MACROD2: variants seen among roughly 807,000 people sequenced by gnomAD.
The protein encoded by MACROD2 is mono-ADP ribosylhydrolase 2.
In MACROD2, 36 loss-of-function variants were observed where a neutral mutation model predicts 70.4. The observed-to-expected ratio is 0.51, with a 90% CI of 0.39 to 0.68. The LOEUF is 0.68. Ranked by LOEUF, MACROD2 falls within the 30% of genes least tolerant of loss-of-function variation. MACROD2 has a pLI of 0.00. For synonymous variants in MACROD2, 172 were observed against 178.8 expected (o/e 0.96, Z 0.30); for missense variants, 496 against 538.4 (o/e 0.92, Z 0.78).
chr20:14,215,329 A>G (rs1230675790), intron 3 of MACROD2, among the ~76,000 whole-genome samples: 2 of 105,124 alleles, frequency 1.9e-5, no homozygotes, highest in Non-Finnish European at 3.9e-5. Flanking sequence ...TATCTATGCC[A>G]TCATATATAC....
At position 15,037,469 on chromosome 20, in the gene MACROD2, G is replaced by A. The variant is rs180729019; in HGVS notation, c.419-192471G>A. On this transcript the variant is annotated intron_variant, in intron 5 of 17. Transcript: ENST00000684519. ...CCCAGAGCAGGTACTGCTGTTTATG[G>A]CCTCGCCTGAATGTTTGTGGTACAA... 3.3e-5 allele frequency among the ~76,000 whole-genome samples: 5 copies of A among 152,288 alleles called. No individual in the cohort carries two copies. The East Asian group carries it at 9.6e-4, about 29-fold the overall frequency.
At chr20:15,610,390 C>G (rs1339024793) in intron 8 of MACROD2, among the ~76,000 whole-genome samples, 1 of 152,178 alleles carries the variant, frequency 6.6e-6, no homozygotes, top group African/African-American at 2.4e-5. Context: ...TTCCTTGCTT[C>G]TCTTCTAGCT....
At chr20:15,699,046 C>G (rs1204708073) in intron 8 of MACROD2, among the ~76,000 whole-genome samples, 1 of 152,130 alleles carries the variant, frequency 6.6e-6, no homozygotes, top group African/African-American at 2.4e-5. Flanking sequence ...CCCTGATTAG[C>G]TTACTAATTA....
At chr20:15,510,377 T>C (rs2047482473) in intron 8 of MACROD2, among the ~76,000 whole-genome samples, 1 of 152,174 alleles carries the variant, frequency 6.6e-6, no homozygotes, top group Non-Finnish European at 1.5e-5. Flanking sequence ...CCTTGTCCTC[T>C]ACCTTGATGG....
intron 5 of MACROD2, among the ~76,000 whole-genome samples, chr20:14,975,935 C>T (rs1440273859): frequency 6.6e-6 from 1 of 152,152 alleles, no homozygotes; most frequent in Non-Finnish European, 1.5e-5. Flanking sequence ...AGGTGGATTA[C>T]AGTTCCCGGC....
At chr20:14,174,435 T>C (rs1025766848) in intron 3 of MACROD2, among the ~76,000 whole-genome samples, 2 of 152,072 alleles carry the variant, frequency 1.3e-5, no homozygotes, top group African/African-American at 4.8e-5. Flanking sequence ...CATGCATGTT[T>C]CCAGGGAAGT....
intron 5 of MACROD2, among the ~76,000 whole-genome samples, chr20:14,833,728 C>G (rs1381107521): frequency 6.6e-6 from 1 of 152,028 alleles, no homozygotes; most frequent in South Asian, 2.1e-4. Context: ...TCAATTATTA[C>G]ATTTTGAAAT....
At chr20:15,788,793 A>G (rs944504468) in intron 8 of MACROD2, among the ~76,000 whole-genome samples, 26 of 152,198 alleles carry the variant, frequency 1.7e-4, no homozygotes, top group Non-Finnish European at 1.0e-4. Context: ...AAAATGACAG[A>G]CCTATAATAA....
intron 5 of MACROD2, among the ~76,000 whole-genome samples, chr20:15,133,026 A>C (rs951985086): frequency 2.0e-5 from 3 of 152,104 alleles, no homozygotes; most frequent in Admixed American, 2.0e-4. Context: ...TCCCTATCTT[A>C]ATTTCTACCT....
At chr20:15,407,261 C>A in intron 6 of MACROD2, among the ~76,000 whole-genome samples, 1 of 152,090 alleles carries the variant, frequency 6.6e-6, no homozygotes, top group East Asian at 1.9e-4. Context: ...AGTTAGCCAG[C>A]TAGGGATGGG....
intron 5 of MACROD2, among the ~76,000 whole-genome samples, chr20:14,914,942 C>T (rs183233397): frequency 7.9e-5 from 12 of 152,276 alleles, no homozygotes; most frequent in African/African-American, 2.9e-4. Context: ...GGATGTTGCA[C>T]TCCCAGAGGA....
At chr20:15,797,166 T>G (rs1447373632) in intron 8 of MACROD2, among the ~76,000 whole-genome samples, 1 of 152,162 alleles carries the variant, frequency 6.6e-6, no homozygotes, top group African/African-American at 2.4e-5. Context: ...CAGGCTGGAG[T>G]GCAGTGGCGT....
chr20:15,572,084 C>A (rs1001219397), intron 8 of MACROD2, among the ~76,000 whole-genome samples: 2 of 152,082 alleles, frequency 1.3e-5, no homozygotes, highest in Non-Finnish European at 2.9e-5. Flanking sequence ...TGTTGGTAAA[C>A]ACCCCTTTCA....
intron 8 of MACROD2, among the ~76,000 whole-genome samples, chr20:15,807,518 G>C (rs918861355): frequency 6.6e-6 from 1 of 152,148 alleles, no homozygotes; most frequent in African/African-American, 2.4e-5. Flanking sequence ...CACAAGCCAC[G>C]TTTGTCCATT....
At chr20:14,583,433 A>G (rs1981173841) in intron 4 of MACROD2, among the ~76,000 whole-genome samples, 1 of 152,148 alleles carries the variant, frequency 6.6e-6, no homozygotes, top group South Asian at 2.1e-4. Flanking sequence ...TTCAAGCCCT[A>G]GTTTCCCAAA....
intron 5 of MACROD2, among the ~76,000 whole-genome samples, chr20:15,024,566 A>T (rs1221200065): frequency 6.6e-6 from 1 of 151,832 alleles, no homozygotes; most frequent in Non-Finnish European, 1.5e-5. Flanking sequence ...TTGTTAAAAC[A>T]TATGGGAATT....
chr20:14,524,782 G>A (rs961234676), intron 4 of MACROD2, among the ~76,000 whole-genome samples: 3 of 152,016 alleles, frequency 2.0e-5, no homozygotes, highest in Admixed American at 2.0e-4. Flanking sequence ...TAACCTTCTC[G>A]CTAGCTTCCC....
intron 4 of MACROD2, among the ~76,000 whole-genome samples, chr20:14,564,282 T>C (rs528307344): frequency 6.6e-6 from 1 of 152,050 alleles, no homozygotes; most frequent in East Asian, 1.9e-4. Context: ...GATATTGTCC[T>C]AAGCATAGAC....
chr20:16,013,386 G>A (rs898861209), intron 15 of MACROD2, among the ~76,000 whole-genome samples: 7 of 152,172 alleles, frequency 4.6e-5, no homozygotes, highest in African/African-American at 1.4e-4. Context: ...GACTTGACTC[G>A]TAGGGGTGGA....
Sources: gnomAD v4.1 joint callset for allele counts (sites outside exome capture counted in the v4.1 genomes callset) on GRCh38, gnomAD v4.1.1 for gene constraint, MANE v1.5 for transcripts, NCBI Gene and HGNC (gene_info 2026-07-23, HGNC 2026-07-21) for gene names.